Variants in MATN2 observed in about 807,000 individuals in gnomAD.
The protein encoded by MATN2 is matrilin-2.
Under a neutral mutation model 103.2 loss-of-function variants are expected in MATN2, and 69 were observed. The observed-to-expected ratio is 0.67, with a 90% CI of 0.55 to 0.82. The LOEUF (loss-of-function observed/expected upper bound fraction) is 0.82. Among genes scored for constraint, MATN2 ranks in the 40% least tolerant of loss-of-function variants. The probability of loss-of-function intolerance (pLI) is 0.00; values close to 1 mark genes in which losing one functional copy is unlikely to be tolerated. For synonymous variants in MATN2, 429 were observed against 450.2 expected (o/e 0.95, Z 0.60); for missense variants, 1,023 against 1,211.5 (o/e 0.84, Z 2.31).
At chr8:98,025,745 CA>C in intron 13 of MATN2, 2 of 441,586 alleles carry the variant, frequency 4.5e-6, no homozygotes, top group Admixed American at 2.5e-5. Context: ...GACTCTGTCT[CA>C]AAAAAGAAGA....
At chr8:98,019,600 C>A (rs1401686585) in intron 12 of MATN2, among the ~76,000 whole-genome samples, 1 of 152,178 alleles carries the variant, frequency 6.6e-6, no homozygotes, top group Non-Finnish European at 1.5e-5. Flanking sequence ...CAAAGTGACA[C>A]ATCAAATTAA....
At chr8:97,901,617 G>C (rs1019885248) in intron 2 of MATN2, among the ~76,000 whole-genome samples, 2 of 152,158 alleles carry the variant, frequency 1.3e-5, no homozygotes, top group East Asian at 3.8e-4. Context: ...CAACAAATAC[G>C]TATGAAGAAG....
At position 97,887,992 on chromosome 8, in the gene MATN2, G is replaced by A. The variant is rs1347657041; in HGVS notation, c.-26-83G>A. The A allele has an allele frequency of 5.0e-5, 66 of 1,323,478 alleles. 1 individual carries two copies. In the South Asian group the frequency reaches 7.5e-4, roughly 15 times the overall value. The allele number at this position is 1,323,478 out of a possible 1,614,324, so 82.0% of individuals were successfully genotyped here. On this transcript the variant is annotated intron_variant, in intron 1 of 18. Coordinates refer to ENST00000254898, the MANE Select transcript of MATN2 (RefSeq NM_002380.5). ...TGGTCTGTTTGAACTCTGAAAAGGC[G>A]GGGCAGCGGGCCTGCAGCTCCTGGA...
At chr8:97,956,113 G>A (rs1391358430) in intron 4 of MATN2, among the ~76,000 whole-genome samples, 1 of 152,222 alleles carries the variant, frequency 6.6e-6, no homozygotes. Context: ...CTCCGTGACT[G>A]CTCCTGCAGA....
At chr8:97,870,053 T>C (rs1447332687) in intron 1 of MATN2, among the ~76,000 whole-genome samples, 1 of 152,082 alleles carries the variant, frequency 6.6e-6, no homozygotes, top group Non-Finnish European at 1.5e-5. Flanking sequence ...AATGGGGCAG[T>C]CAAGAGACTT....
At chr8:97,907,919 C>T (rs1214362571) in intron 2 of MATN2, among the ~76,000 whole-genome samples, 1 of 152,088 alleles carries the variant, frequency 6.6e-6, no homozygotes. Flanking sequence ...AGGTGGATAA[C>T]CTGAGGCGAG....
chr8:98,017,700 T>C (rs1563728738), intron 11 of MATN2, among the ~76,000 whole-genome samples: 1 of 152,244 alleles, frequency 6.6e-6, no homozygotes, highest in East Asian at 1.9e-4. Context: ...ATATCAAGTG[T>C]TTCCATTCTG....
intron 13 of MATN2, among the ~76,000 whole-genome samples, chr8:98,026,781 G>A (rs920865765): frequency 6.6e-6 from 1 of 152,198 alleles, no homozygotes; most frequent in Non-Finnish European, 1.5e-5. Flanking sequence ...TGTACAATGT[G>A]GAACACTATA....
rs182638845 is a variant in MATN2, at chr8:97,889,655, G to C, written c.142+1413G>C. ...GATGGGGTTTTGCCATGTTGGCCAG[G>C]CTGGTCTCAAACTCTTGGCCTCGAG... On this transcript the variant is annotated intron_variant, in intron 2 of 18. Coordinates refer to ENST00000254898, the MANE Select transcript of MATN2 (RefSeq NM_002380.5). 1.9e-3 allele frequency among the ~76,000 whole-genome samples: 290 copies of C among 151,868 alleles called. 1 individual carries two copies. Among genetic ancestry groups the C allele is most frequent in the African/African-American group, 6.8e-3 (280 of 41,422 alleles).
intron 3 of MATN2, among the ~76,000 whole-genome samples, chr8:97,937,696 C>T (rs572754699): frequency 2.8e-5 from 4 of 143,150 alleles, no homozygotes; most frequent in African/African-American, 7.8e-5. Context: ...TCAAGCAATT[C>T]TCCTGCCTCA....
chr8:97,954,546 A>C (rs1385626498), intron 4 of MATN2, among the ~76,000 whole-genome samples: 1 of 152,182 alleles, frequency 6.6e-6, no homozygotes, highest in African/African-American at 2.4e-5. Context: ...GCCTCTTTGA[A>C]TGCAGCTGTG....
At chr8:97,945,278 A>G (rs1472949560) in intron 4 of MATN2, among the ~76,000 whole-genome samples, 7 of 152,194 alleles carry the variant, frequency 4.6e-5, no homozygotes, top group Non-Finnish European at 7.3e-5. Flanking sequence ...GTCTCATTTA[A>G]TTCTCACAAT....
At chr8:97,875,168 A>G (rs1419269955) in intron 1 of MATN2, among the ~76,000 whole-genome samples, 5 of 152,144 alleles carry the variant, frequency 3.3e-5, no homozygotes, top group African/African-American at 1.2e-4. Context: ...TATGATGTAG[A>G]CATCTTTGGA....
intron 18 of MATN2, among the ~76,000 whole-genome samples, chr8:98,035,275 T>A (rs1814196872): frequency 6.6e-6 from 1 of 152,150 alleles, no homozygotes; most frequent in South Asian, 2.1e-4. Context: ...GAGAATCGCT[T>A]GAACCCAGGA....
chr8:97,919,284 G>T (rs772602974), intron 2 of MATN2, among the ~76,000 whole-genome samples: 6 of 152,208 alleles, frequency 3.9e-5, no homozygotes, highest in Non-Finnish European at 8.8e-5. Context: ...TACAGCTGGA[G>T]TGCAGTGGTG....
At chr8:97,949,374 A>C (rs996039623) in intron 4 of MATN2, among the ~76,000 whole-genome samples, 4 of 151,978 alleles carry the variant, frequency 2.6e-5, no homozygotes, top group Non-Finnish European at 5.9e-5. Context: ...GGGTTTCACC[A>C]TGTTGGCCAG....
At chr8:97,951,960 T>C (rs966582616) in intron 4 of MATN2, 2 of 152,206 alleles carry the variant, frequency 1.3e-5, no homozygotes, top group African/African-American at 2.4e-5. Context: ...CTCAGTGACA[T>C]TGGGTTTGTT....
chr8:97,987,030 A>G (rs1019671718), intron 6 of MATN2, among the ~76,000 whole-genome samples: 6 of 150,356 alleles, frequency 4.0e-5, no homozygotes, highest in African/African-American at 1.5e-4. Context: ...TTTAGTAGAG[A>G]CAGGGTTTCA....
intron 7 of MATN2, among the ~76,000 whole-genome samples, chr8:97,995,393 T>G (rs1292899352): frequency 6.6e-6 from 1 of 152,270 alleles, no homozygotes; most frequent in African/African-American, 2.4e-5. Context: ...TATTTTTTTT[T>G]TAATTCTTCA....
Sources: allele counts gnomAD v4.1 joint callset (sites outside exome capture counted in the v4.1 genomes callset), GRCh38; gene constraint gnomAD v4.1.1; transcripts MANE v1.5; gene names NCBI Gene and HGNC (gene_info 2026-07-23, HGNC 2026-07-21).